Variants in CMC1 observed in about 807,000 individuals in gnomAD.
CMC1 encodes C-X9-C motif containing 1.
A neutral mutation model predicts 14.1 loss-of-function variants in CMC1; 14 were observed. The observed-to-expected ratio is 0.99, with a 90% confidence interval of 0.66 to 1.55. The LOEUF (loss-of-function observed/expected upper bound fraction) is 1.55, where lower values mean the gene tolerates loss of function less well. CMC1 is among the 40% of genes most tolerant of loss of function. The pLI is 0.00. For missense variants in CMC1, 127 were observed against 123.8 expected (o/e 1.03, Z -0.12); for synonymous variants, 50 against 38.4 (o/e 1.30, Z -1.12).
intron 1 of CMC1, among the ~76,000 whole-genome samples, chr3:28,257,827 A>G (rs141070407): frequency 2.0e-5 from 3 of 152,138 alleles, no homozygotes; most frequent in African/African-American, 7.2e-5. Context: ...ATTTTCATTT[A>G]TCTTGCATAA....
chr3:28,254,385 GTAGAAT>G (rs1164856730), intron 1 of CMC1, among the ~76,000 whole-genome samples: 2 of 152,040 alleles, frequency 1.3e-5, no homozygotes, highest in East Asian at 3.8e-4. Flanking sequence ...AAAATCTTTA[GTAGAAT>G]TTTCATATTT....
intron 2 of CMC1, among the ~76,000 whole-genome samples, chr3:28,272,280 G>A (rs1258978321): frequency 6.6e-6 from 1 of 152,112 alleles, no homozygotes; most frequent in Non-Finnish European, 1.5e-5. Context: ...GTGAGAGAGG[G>A]CATCTTTGTC....
intron 2 of CMC1, chr3:28,298,277 G>A (rs1701847274): frequency 6.6e-6 from 1 of 151,546 alleles, no homozygotes; most frequent in African/African-American, 2.4e-5. Context: ...AGATTACTTT[G>A]CTTAATTCTT....
At chr3:28,277,220 C>T (rs1012616539) in intron 2 of CMC1, among the ~76,000 whole-genome samples, 2 of 152,104 alleles carry the variant, frequency 1.3e-5, no homozygotes, top group African/African-American at 4.8e-5. Context: ...GGCCCATAAA[C>T]AAGTTTATCT....
rs574997447 is a variant in CMC1 at position 28,280,634 on chromosome 3, T to G, written c.109+17254T>G. ...GCAGTTCTACCATTAGGATTTTATCTTAAGGAAATGATAAGAGATGTACAA... is the reference window on the plus strand; with the variant it reads ...GCAGTTCTACCATTAGGATTTTATCGTAAGGAAATGATAAGAGATGTACAA... On this transcript the variant is annotated intron_variant, in intron 2 of 3. Coordinates refer to ENST00000466830, the MANE Select transcript of CMC1 (RefSeq NM_182523.2). Among the ~76,000 whole-genome samples, 12 of 152,302 alleles carry G rather than the reference T, an allele frequency of 7.9e-5. No homozygotes were observed. In the South Asian group the frequency reaches 2.5e-3, roughly 32 times the overall value.
intron 2 of CMC1, among the ~76,000 whole-genome samples, chr3:28,267,939 G>T (rs887547375): frequency 2.0e-5 from 3 of 152,234 alleles, no homozygotes; most frequent in Middle Eastern, 3.4e-3. Context: ...GTTGTTTGAG[G>T]TGTACCACTC....
In CMC1 at chr3:28,263,147, A is replaced by T. The variant is rs911431045; in HGVS notation, c.20-144A>T. ...ATTGCAAATAGGATGAGTTTTAATG[A>T]CTAAAATAATCACAATTTCATAAGG... On this transcript the variant is annotated intron_variant, in intron 1 of 3. Coordinates refer to ENST00000466830, the MANE Select transcript of CMC1 (RefSeq NM_182523.2). The T allele has an allele frequency of 4.1e-5, 25 of 615,042 alleles. No homozygotes were observed. In the East Asian group the frequency reaches 7.2e-4, roughly 18 times the overall value. The allele number at this position is 615,042 out of a possible 1,614,324, so 38.1% of individuals were successfully genotyped here. A position where few individuals can be genotyped will look rare whatever the true frequency, so the allele number is the denominator to read the frequency against.
At chr3:28,256,201 G>GTA (rs370738862) in intron 1 of CMC1, among the ~76,000 whole-genome samples, 14,614 of 147,728 alleles carry the variant, frequency 0.099, 746 homozygotes, top group South Asian at 0.21. Flanking sequence ...ATGTGTGTGT[G>GTA]TATATATATA....
At chr3:28,313,986 C>T (rs527531977) in intron 2 of CMC1, among the ~76,000 whole-genome samples, 2 of 152,138 alleles carry the variant, frequency 1.3e-5, no homozygotes, top group Non-Finnish European at 2.9e-5. Context: ...TTTGGGTGAA[C>T]TGGTCTGGTA....
At position 28,281,691 on chromosome 3, in the gene CMC1, A is replaced by G. The variant is rs1177581113; in HGVS notation, c.109+18311A>G. On this transcript the variant is annotated intron_variant, in intron 2 of 3. Coordinates refer to ENST00000466830, the MANE Select transcript of CMC1 (RefSeq NM_182523.2). ...AATTACACCATATTAAACAATTTAT[A>G]ATAAAATACCTACATGTTACTTTAG... Among the ~76,000 whole-genome samples, 4 of 152,336 alleles carry G rather than the reference A, an allele frequency of 2.6e-5. No individual in the cohort carries two copies. In the East Asian group the frequency reaches 7.7e-4, roughly 29 times the overall value.
At chr3:28,268,478 A>G (rs910611788) in intron 2 of CMC1, among the ~76,000 whole-genome samples, 10 of 152,172 alleles carry the variant, frequency 6.6e-5, no homozygotes, top group South Asian at 2.1e-4. Flanking sequence ...TTTGTTCTCA[A>G]TAAAACATTT....
intron 2 of CMC1, among the ~76,000 whole-genome samples, chr3:28,268,633 C>T (rs909373606): frequency 2.6e-4 from 39 of 152,278 alleles, no homozygotes; most frequent in Admixed American, 9.2e-4. Context: ...TCCCAAGATC[C>T]GAGTTCTCCG....
Position 28,274,219 on chromosome 3 carries a change from TC to T in CMC1, c.109+10840del, listed in dbSNP as rs764419105. ...TTGTACTAAAGTGTTTTTGTTTTTT[TC>T]TTTTTTTTTTTTTTTGCAGTGGCTA... On this transcript the variant is annotated intron_variant, in intron 2 of 3. Coordinates refer to ENST00000466830, the MANE Select transcript of CMC1 (RefSeq NM_182523.2). 1.7e-3 allele frequency among the ~76,000 whole-genome samples: 210 copies of T among 126,004 alleles called. 7 individuals are homozygous for T. The highest frequency in any genetic ancestry group is 6.3e-3 in the East Asian group (26 of 4,098). 82.7% of individuals were successfully genotyped at this position (126,004 alleles called of 152,430 possible).
intron 2 of CMC1, among the ~76,000 whole-genome samples, chr3:28,297,410 A>G (rs1411196473): frequency 6.6e-6 from 1 of 152,060 alleles, no homozygotes; most frequent in South Asian, 2.1e-4. Flanking sequence ...AATGAGGCCT[A>G]TGGAATTAGA....
At chr3:28,294,491 A>G (rs1380656363) in intron 2 of CMC1, 1 of 974,296 alleles carries the variant, frequency 1.0e-6, no homozygotes, top group Non-Finnish European at 1.2e-6. Context: ...AGAATTTTCC[A>G]AACTAAGTGG....
intron 3 of CMC1, 31 bp downstream of exon 3, chr3:28,316,454 A>T: frequency 1.6e-6 from 2 of 1,289,796 alleles, no homozygotes; most frequent in Non-Finnish European, 2.2e-6. Flanking sequence ...TTGTGCTTGT[A>T]TGTGTATTTG....
chr3:28,247,118 A>AT (rs1444550845), intron 1 of CMC1, among the ~76,000 whole-genome samples: 2 of 151,864 alleles, frequency 1.3e-5, no homozygotes, highest in Non-Finnish European at 2.9e-5. Flanking sequence ...TACTCTCACC[A>AT]TTTTTTTGAG....
chr3:28,300,231 G>T lies in CMC1; in HGVS notation c.110-16102G>T, dbSNP rs531242595. Among the ~76,000 whole-genome samples the T allele has an allele frequency of 2.6e-5, 4 of 152,238 alleles. No homozygotes were observed. The South Asian group carries it at 8.3e-4, about 32-fold the overall frequency. ...AGCCAGTAGTGTGACTTTTGATAGTGTCGTTTTACACTGGAATACTGTTTT... is the reference window on the plus strand; with the variant it reads ...AGCCAGTAGTGTGACTTTTGATAGTTTCGTTTTACACTGGAATACTGTTTT... On this transcript the variant is annotated intron_variant, in intron 2 of 3. Transcript: ENST00000466830.
intron 2 of CMC1, among the ~76,000 whole-genome samples, chr3:28,270,790 A>T (rs998332270): frequency 7.9e-5 from 12 of 151,776 alleles, no homozygotes; most frequent in African/African-American, 2.7e-4. Context: ...CTTTTGTTGC[A>T]ATTGGTTTTG....
Sources: allele counts gnomAD v4.1 joint callset (sites outside exome capture counted in the v4.1 genomes callset), GRCh38; gene constraint gnomAD v4.1.1; transcripts MANE v1.5; gene names NCBI Gene and HGNC (gene_info 2026-07-23, HGNC 2026-07-21).